Variants in UBE3A observed in about 807,000 individuals in gnomAD.
The protein encoded by UBE3A is ubiquitin-protein ligase E3A.
A neutral mutation model predicts 83.4 loss-of-function variants in UBE3A; 6 were observed. The observed-to-expected ratio is 0.07, with a 90% CI of 0.04 to 0.14. The LOEUF is 0.14. UBE3A is among the 10% of genes least tolerant of loss of function. UBE3A has a pLI of 1.00. For synonymous variants in UBE3A, 337 were observed against 355.4 expected (o/e 0.95, Z 0.58); for missense variants, 456 against 1,036.1 (o/e 0.44, Z 7.69).
chr15:25,435,202 A>G (rs1019383332), intron 1 of UBE3A, among the ~76,000 whole-genome samples: 1 of 145,982 alleles, frequency 6.9e-6, no homozygotes, highest in Non-Finnish European at 1.5e-5. Context: ...GGGCATGGGA[A>G]AATGAAGTTC....
intron 1 of UBE3A, among the ~76,000 whole-genome samples, chr15:25,420,197 G>A (rs898398230): frequency 3.3e-5 from 5 of 151,956 alleles, no homozygotes; most frequent in African/African-American, 1.2e-4. Context: ...TCATAAGAAA[G>A]GAATGGATAC....
intron 1 of UBE3A, among the ~76,000 whole-genome samples, chr15:25,423,692 T>C (rs1890481244): frequency 6.6e-6 from 1 of 152,156 alleles, no homozygotes; most frequent in Admixed American, 6.6e-5. Flanking sequence ...TTTTCCTCTT[T>C]TCCCCCCACA....
chr15:25,354,964 G>A (rs1423501471), intron 9 of UBE3A, among the ~76,000 whole-genome samples: 1 of 151,962 alleles, frequency 6.6e-6, no homozygotes, highest in Non-Finnish European at 1.5e-5. Flanking sequence ...ACAATTCTCT[G>A]TTACAGCCAA....
intron 4 of UBE3A, among the ~76,000 whole-genome samples, chr15:25,397,184 T>C (rs2085775594): frequency 2.4e-5 from 3 of 127,644 alleles, no homozygotes; most frequent in Admixed American, 8.7e-5. Flanking sequence ...TAGAGCTATA[T>C]TCCCATACCA....
intron 4 of UBE3A, among the ~76,000 whole-genome samples, chr15:25,400,918 A>T (rs1203133100): frequency 6.6e-6 from 1 of 152,228 alleles, no homozygotes; most frequent in South Asian, 2.1e-4. Flanking sequence ...AACATTCAGT[A>T]TAACGTTAGC....
chr15:25,376,134 A>T (rs1046148116), intron 4 of UBE3A, among the ~76,000 whole-genome samples: 5 of 152,176 alleles, frequency 3.3e-5, no homozygotes, highest in African/African-American at 1.2e-4. Flanking sequence ...TCATTTTAAA[A>T]ATTAGCATTA....
At chr15:25,365,490 T>A in intron 6 of UBE3A, among the ~76,000 whole-genome samples, 1 of 152,132 alleles carries the variant, frequency 6.6e-6, no homozygotes, top group Non-Finnish European at 1.5e-5. Flanking sequence ...GGCTCATGCC[T>A]GTAATCCCGG....
intron 4 of UBE3A, among the ~76,000 whole-genome samples, chr15:25,403,351 A>T (rs2087640606): frequency 6.6e-6 from 1 of 152,310 alleles, no homozygotes. Flanking sequence ...AAATATTATT[A>T]AAAAATGTTT....
chr15:25,354,169 T>C (rs1245687198), intron 11 of UBE3A, 184 bp downstream of exon 11: 1 of 640,376 alleles, frequency 1.6e-6, no homozygotes, highest in Non-Finnish European at 2.7e-6. Flanking sequence ...ACTTCATTCA[T>C]GAAATAAATC....
intron 12 of UBE3A, 180 bp from the exon 13 acceptor site, chr15:25,339,437 T>C (rs1220525040): frequency 1.5e-6 from 1 of 678,776 alleles, no homozygotes; most frequent in South Asian, 2.2e-5. Context: ...ATCCTATAAA[T>C]TACTCAAAGC....
At chr15:25,406,014 G>C (rs1340983989) in intron 3 of UBE3A, among the ~76,000 whole-genome samples, 2 of 152,136 alleles carry the variant, frequency 1.3e-5, no homozygotes, top group African/African-American at 4.8e-5. Context: ...CATTCATTTA[G>C]GTATCATCTA....
At chr15:25,381,195 T>G (rs2082108295) in intron 4 of UBE3A, among the ~76,000 whole-genome samples, 1 of 152,176 alleles carries the variant, frequency 6.6e-6, no homozygotes. Flanking sequence ...GCTGTAAAAT[T>G]TGTGTTCAAT....
chr15:25,361,074 A>T (rs565036603), intron 6 of UBE3A, among the ~76,000 whole-genome samples: 29 of 151,694 alleles, frequency 1.9e-4, no homozygotes, highest in African/African-American at 6.5e-4. Context: ...CCCATCTTAT[A>T]TCCACATTTC....
intron 6 of UBE3A, among the ~76,000 whole-genome samples, chr15:25,364,640 TGTTTG>T (rs1484999326): frequency 2.7e-4 from 36 of 133,426 alleles, no homozygotes; most frequent in Non-Finnish European, 4.5e-4. Flanking sequence ...GGGTTTTTTT[TGTTTG>T]TTTTTTTTTT....
chr15:25,429,726 T>C (rs1309192640), intron 1 of UBE3A, among the ~76,000 whole-genome samples: 3 of 151,816 alleles, frequency 2.0e-5, no homozygotes, highest in East Asian at 2.0e-4. Context: ...TGTAATAGGA[T>C]TGGTGTGGTG....
intron 4 of UBE3A, among the ~76,000 whole-genome samples, chr15:25,382,927 T>C (rs1259354193): frequency 6.6e-6 from 1 of 152,034 alleles, no homozygotes; most frequent in East Asian, 1.9e-4. Flanking sequence ...CTATAACTAT[T>C]AGAGATTGAA....
At chr15:25,352,370 C>T (rs1034255697) in intron 11 of UBE3A, among the ~76,000 whole-genome samples, 41 of 152,202 alleles carry the variant, frequency 2.7e-4, no homozygotes, top group Middle Eastern at 3.4e-3. Flanking sequence ...GAGATACTGC[C>T]GGTTCAGTTT....
chr15:25,411,298 G>A, intron 2 of UBE3A, among the ~76,000 whole-genome samples: 1 of 152,196 alleles, frequency 6.6e-6, no homozygotes, highest in East Asian at 1.9e-4. Flanking sequence ...GACATAATGT[G>A]CTCACAAATG....
chr15:25,386,338 C>G (rs2083128634), intron 4 of UBE3A, among the ~76,000 whole-genome samples: 1 of 151,920 alleles, frequency 6.6e-6, no homozygotes, highest in South Asian at 2.1e-4. Flanking sequence ...AATTACAGGG[C>G]ATAATAAAAG....
Sources: gnomAD v4.1 joint callset for allele counts (sites outside exome capture counted in the v4.1 genomes callset) on GRCh38, gnomAD v4.1.1 for gene constraint, MANE v1.5 for transcripts, NCBI Gene and HGNC (gene_info 2026-07-23, HGNC 2026-07-21) for gene names.